NOX4: variants seen among roughly 807,000 people sequenced by gnomAD.
The protein encoded by NOX4 is kidney oxidase-1.
A neutral mutation model predicts 87.6 loss-of-function variants in NOX4; 69 were observed. The ratio of observed to expected loss-of-function variants is 0.79; its 90% CI spans 0.65 to 0.96. The LOEUF is 0.96. Among genes scored for constraint, NOX4 ranks in the 40% least tolerant of loss-of-function variants. The pLI, the probability that NOX4 is intolerant of heterozygous loss-of-function variation, is 0.00. For synonymous variants in NOX4, 275 were observed against 238.2 expected (o/e 1.15, Z -1.42); for missense variants, 680 against 681.5 (o/e 1.00, Z 0.02).
chr11:89,484,114 A>G (rs1946495797), intron 2 of NOX4, among the ~76,000 whole-genome samples: 2 of 152,156 alleles, frequency 1.3e-5, no homozygotes, highest in Admixed American at 6.6e-5. Context: ...ACTGAGCACA[A>G]TCTGTTATTG....
the NOX4 span, among the ~76,000 whole-genome samples, chr11:89,533,052 G>A: frequency 2.0e-5 from 3 of 152,086 alleles, no homozygotes; most frequent in Non-Finnish European, 4.4e-5. Flanking sequence ...TCATAGCAAT[G>A]TGAAAATGAA....
At chr11:89,389,452 G>A (rs1940965353) in intron 11 of NOX4, among the ~76,000 whole-genome samples, 1 of 152,220 alleles carries the variant, frequency 6.6e-6, no homozygotes, top group African/African-American at 2.4e-5. Flanking sequence ...TGTAATAGCT[G>A]TATATATTAT....
intron 17 of NOX4, among the ~76,000 whole-genome samples, chr11:89,331,282 G>A (rs1945458827): frequency 6.6e-6 from 1 of 151,708 alleles, no homozygotes; most frequent in Non-Finnish European, 1.5e-5. Context: ...ATATTTGAAC[G>A]AGATGAAAAT....
At chr11:89,429,750 T>G (rs1005326111) in intron 7 of NOX4, among the ~76,000 whole-genome samples, 4 of 152,012 alleles carry the variant, frequency 2.6e-5, no homozygotes, top group Non-Finnish European at 5.9e-5. Flanking sequence ...ACCAGATGGA[T>G]TCACAGCCGA....
At chr11:89,577,590 A>C in the NOX4 span, 2 of 152,190 alleles carry the variant, frequency 1.3e-5, no homozygotes, top group African/African-American at 2.4e-5. Flanking sequence ...GAAAGATTAA[A>C]TCATGTGCCA....
intron 8 of NOX4, among the ~76,000 whole-genome samples, chr11:89,406,202 T>C (rs367803166): frequency 4.7e-4 from 71 of 152,262 alleles, no homozygotes; most frequent in African/African-American, 1.6e-3. Flanking sequence ...CTAAAGAATA[T>C]TGAAAAGGAA....
chr11:89,466,363 T>C (rs1945693116), intron 2 of NOX4, among the ~76,000 whole-genome samples: 1 of 152,196 alleles, frequency 6.6e-6, no homozygotes, highest in Non-Finnish European at 1.5e-5. Context: ...AAATAGTTAA[T>C]TGAGAGGGAT....
rs556432340 is a variant in NOX4, at chr11:89,491,018, G to C, written c.57+172C>G. 3.2e-5 allele frequency: 24 copies of C among 755,518 alleles called. No homozygotes were observed. In the East Asian group the frequency reaches 6.2e-4, roughly 19 times the overall value. 46.8% of individuals were successfully genotyped at this position (755,518 alleles called of 1,614,324 possible). On this transcript the variant is annotated intron_variant, in intron 1 of 17. Transcript: ENST00000263317. Reference sequence around the variant, plus strand: ...ATGCATTTGGGGGACAGGCGAGGGGGTGGGAGGGGGAGTGTTCATTGTTAT... The same window carrying C: ...ATGCATTTGGGGGACAGGCGAGGGGCTGGGAGGGGGAGTGTTCATTGTTAT...
At chr11:89,472,941 G>A (rs956115675) in intron 2 of NOX4, among the ~76,000 whole-genome samples, 1 of 152,098 alleles carries the variant, frequency 6.6e-6, no homozygotes, top group Admixed American at 6.6e-5. Flanking sequence ...TAGAATTGAA[G>A]AATTTGAACA....
At chr11:89,550,755 T>A in the NOX4 span, among the ~76,000 whole-genome samples, 1 of 152,196 alleles carries the variant, frequency 6.6e-6, no homozygotes, top group Admixed American at 6.5e-5. Flanking sequence ...CTGTTCACTC[T>A]GATGATAGTT....
chr11:89,391,352 G>T (rs1941107171), intron 11 of NOX4, among the ~76,000 whole-genome samples: 1 of 152,108 alleles, frequency 6.6e-6, no homozygotes, highest in Admixed American at 6.6e-5. Context: ...CAGACAAAGA[G>T]AATGGGTGGA....
chr11:89,450,480 A>C (rs58016148), intron 3 of NOX4, among the ~76,000 whole-genome samples: 2,470 of 152,260 alleles, frequency 0.016, 78 homozygotes, highest in African/African-American at 0.055. Flanking sequence ...TCAAAGACAA[A>C]AAAGAATTTT....
chr11:89,364,986 C>A (rs1188243588), intron 12 of NOX4, among the ~76,000 whole-genome samples: 1 of 152,088 alleles, frequency 6.6e-6, no homozygotes, highest in Non-Finnish European at 1.5e-5. Flanking sequence ...GTCCAGGGTT[C>A]TTTCCACTGC....
chr11:89,521,863 C>T, the NOX4 span, among the ~76,000 whole-genome samples: 1 of 151,888 alleles, frequency 6.6e-6, no homozygotes, highest in African/African-American at 2.4e-5. Context: ...CATTAAAAAA[C>T]AGGCAAAAAA....
At chr11:89,384,049 A>G (rs1338210870) in intron 11 of NOX4, among the ~76,000 whole-genome samples, 1 of 152,094 alleles carries the variant, frequency 6.6e-6, no homozygotes, top group East Asian at 1.9e-4. Flanking sequence ...TAAAGCCTAT[A>G]AACTCTCCTT....
the NOX4 span, among the ~76,000 whole-genome samples, chr11:89,565,060 G>A: frequency 1.3e-5 from 2 of 151,878 alleles, no homozygotes; most frequent in African/African-American, 4.8e-5. Context: ...ATTTTGACTG[G>A]GATTTAGCCA....
In NOX4 at chr11:89,490,563, T is replaced by C. The variant is rs372741298; in HGVS notation, c.58-10A>G. 6.2e-7 allele frequency: 1 copy of C among 1,606,974 alleles called. No homozygotes were observed. The highest frequency in any genetic ancestry group is 8.5e-7 in the Non-Finnish European group (1 of 1,173,686). ...TGGAGAGCCAGATGAACTAAACCAA[T>C]CAGACATGAGAGACAGAAAACAAAA... On this transcript the variant is annotated splice_polypyrimidine_tract_variant and intron_variant, in intron 1 of 17. Transcript: ENST00000263317.
intron 8 of NOX4, among the ~76,000 whole-genome samples, chr11:89,407,132 T>C (rs1326646404): frequency 6.6e-6 from 1 of 152,150 alleles, no homozygotes; most frequent in African/African-American, 2.4e-5. Flanking sequence ...AGATCTCTAA[T>C]GCATTTCTAG....
the NOX4 span, among the ~76,000 whole-genome samples, chr11:89,563,255 A>C: frequency 6.6e-6 from 1 of 152,220 alleles, no homozygotes. Flanking sequence ...TGGTACCTGA[A>C]ACAATGGTTT....
Sources: gnomAD v4.1 joint callset for allele counts (sites outside exome capture counted in the v4.1 genomes callset) on GRCh38, gnomAD v4.1.1 for gene constraint, MANE v1.5 for transcripts, NCBI Gene and HGNC (gene_info 2026-07-23, HGNC 2026-07-21) for gene names.